The following TSPAN5 variants were observed in gnomAD, a reference collection of about 807,000 sequenced individuals.
The protein encoded by TSPAN5 is tetraspanin 5.
A neutral mutation model predicts 37.1 loss-of-function variants in TSPAN5; 10 were observed. That is an observed-to-expected ratio of 0.27 (90% confidence interval 0.17 to 0.46). The LOEUF (loss-of-function observed/expected upper bound fraction) is 0.46. TSPAN5 is among the 20% of genes least tolerant of loss of function. The pLI is 1.00. For synonymous variants in TSPAN5, 110 were observed against 118.9 expected, an observed-to-expected ratio of 0.93 and a Z score of 0.48; for missense variants, 195 against 326.6, an observed-to-expected ratio of 0.60 and a Z score of 3.11.
At chr4:98,635,918 G>A (rs1021877425) in intron 1 of TSPAN5, among the ~76,000 whole-genome samples, 1 of 152,196 alleles carries the variant, frequency 6.6e-6, no homozygotes, top group African/African-American at 2.4e-5. Flanking sequence ...CTAAATAATA[G>A]GGTAGGGATA....
At chr4:98,520,986 C>A (rs1308928626) in intron 1 of TSPAN5, among the ~76,000 whole-genome samples, 1 of 152,080 alleles carries the variant, frequency 6.6e-6, no homozygotes, top group East Asian at 1.9e-4. Context: ...GGCTGGAGTG[C>A]AGTGGCGCAA....
chr4:98,505,511 C>A (rs1175995760), intron 2 of TSPAN5, among the ~76,000 whole-genome samples: 2 of 152,208 alleles, frequency 1.3e-5, no homozygotes, highest in Admixed American at 1.3e-4. Context: ...TCATCCAGGT[C>A]TCTGCTCCCA....
intron 1 of TSPAN5, among the ~76,000 whole-genome samples, chr4:98,587,691 C>T (rs1755524250): frequency 6.6e-6 from 1 of 152,076 alleles, no homozygotes; most frequent in African/African-American, 2.4e-5. Context: ...AGATTGAGAC[C>T]ATCCTGACCA....
chr4:98,631,040 A>T (rs914969455), intron 1 of TSPAN5, among the ~76,000 whole-genome samples: 2 of 152,202 alleles, frequency 1.3e-5, no homozygotes, highest in Admixed American at 6.5e-5. Flanking sequence ...GGCAAAGAAC[A>T]CAAGATGCCA....
chr4:98,487,502 A>G (rs922220383), intron 2 of TSPAN5, among the ~76,000 whole-genome samples: 1 of 152,240 alleles, frequency 6.6e-6, no homozygotes, highest in African/African-American at 2.4e-5. Flanking sequence ...CTCAGGAAAT[A>G]GGATCGAGCT....
chr4:98,558,148 C>T (rs1049339351), intron 1 of TSPAN5, among the ~76,000 whole-genome samples: 7 of 150,168 alleles, frequency 4.7e-5, no homozygotes, highest in African/African-American at 1.5e-4. Context: ...ACTTGTTCCC[C>T]GGTGACGCAA....
chr4:98,602,737 G>A (rs1755910509), intron 1 of TSPAN5, among the ~76,000 whole-genome samples: 1 of 152,204 alleles, frequency 6.6e-6, no homozygotes, highest in African/African-American at 2.4e-5. Context: ...AAAGCAAGCT[G>A]ATTAAATAGA....
chr4:98,473,696 T>C (rs762055073), intron 7 of TSPAN5, among the ~76,000 whole-genome samples: 1 of 152,198 alleles, frequency 6.6e-6, no homozygotes, highest in Non-Finnish European at 1.5e-5. Context: ...CCTGACCTCA[T>C]GATCCACCCG....
intron 1 of TSPAN5, among the ~76,000 whole-genome samples, chr4:98,580,510 G>A (rs112580099): frequency 5.9e-5 from 9 of 152,306 alleles, no homozygotes; most frequent in African/African-American, 2.2e-4. Context: ...GGAGGTGGGT[G>A]ATAGTGGAAC....
Position 98,513,408 on chromosome 4 carries a change from T to C in TSPAN5, c.82-5680A>G, listed in dbSNP as rs541133154. ...TGAGGATCTGGGCCGCAGAAAAGATTAGAGTCTGAGTGCATCTACAGTGAT... is the reference window on the plus strand; with the variant it reads ...TGAGGATCTGGGCCGCAGAAAAGATCAGAGTCTGAGTGCATCTACAGTGAT... On this transcript the variant is annotated intron_variant, in intron 1 of 7. Coordinates refer to ENST00000305798, the MANE Select transcript of TSPAN5 (RefSeq NM_005723.4). Among the ~76,000 whole-genome samples, 3 of 152,236 alleles carry C rather than the reference T, an allele frequency of 2.0e-5. No homozygotes were observed. In the East Asian group the frequency reaches 5.8e-4, roughly 29 times the overall value.
chr4:98,643,644 T>C (rs1477366371), intron 1 of TSPAN5, among the ~76,000 whole-genome samples: 5 of 152,286 alleles, frequency 3.3e-5, no homozygotes, highest in Non-Finnish European at 5.9e-5. Context: ...TTTCAAATCT[T>C]CACTGGACAG....
chr4:98,561,240 G>C (rs936327794), intron 1 of TSPAN5, among the ~76,000 whole-genome samples: 1 of 152,208 alleles, frequency 6.6e-6, no homozygotes, highest in Non-Finnish European at 1.5e-5. Context: ...ACGTGGAAAG[G>C]GCCTGGGCCT....
At chr4:98,495,000 A>C (rs1172017640) in intron 2 of TSPAN5, among the ~76,000 whole-genome samples, 1 of 152,206 alleles carries the variant, frequency 6.6e-6, no homozygotes, top group African/African-American at 2.4e-5. Flanking sequence ...GTGGTGCAGC[A>C]GAGAAGAAAG....
intron 3 of TSPAN5, chr4:98,483,853 T>C (rs908047179): frequency 6.6e-6 from 1 of 152,228 alleles, no homozygotes; most frequent in Admixed American, 6.5e-5. Flanking sequence ...TCTAGAAAAA[T>C]GAACAGAAAA....
intron 1 of TSPAN5, among the ~76,000 whole-genome samples, chr4:98,607,161 T>G (rs1756057290): frequency 6.6e-6 from 1 of 152,162 alleles, no homozygotes; most frequent in Admixed American, 6.5e-5. Flanking sequence ...CCCTCCTCAT[T>G]TTCCCCGCTC....
rs6840882 is a variant in TSPAN5, at chr4:98,633,951, C to T, written c.81+24195G>A. On this transcript the variant is annotated intron_variant, in intron 1 of 7. Transcript: ENST00000305798. ...AAAATTAGCCAGGCGTGGTGGCACACGCCTGTAATCCCAGCTACTCAGGAA... is the reference window on the plus strand; with the variant it reads ...AAAATTAGCCAGGCGTGGTGGCACATGCCTGTAATCCCAGCTACTCAGGAA... 9.3e-3 allele frequency among the ~76,000 whole-genome samples: 1,411 copies of T among 151,978 alleles called. 30 individuals carry two copies. The highest frequency in any genetic ancestry group is 0.032 in the African/African-American group (1,326 of 41,432).
At chr4:98,585,618 C>T (rs1755470483) in intron 1 of TSPAN5, among the ~76,000 whole-genome samples, 1 of 152,152 alleles carries the variant, frequency 6.6e-6, no homozygotes, top group Non-Finnish European at 1.5e-5. Context: ...CCTATTATTC[C>T]ACTCTCTATG....
intron 1 of TSPAN5, among the ~76,000 whole-genome samples, chr4:98,529,519 G>C (rs10002696): frequency 0.78 from 118,508 of 152,190 alleles, 46,939 homozygotes; most frequent in African/African-American, 0.93. Context: ...TAAAGTTTCA[G>C]GACAACCACT....
chr4:98,648,886 C>T (rs1757123587), intron 1 of TSPAN5, among the ~76,000 whole-genome samples: 1 of 152,154 alleles, frequency 6.6e-6, no homozygotes, highest in Non-Finnish European at 1.5e-5. Flanking sequence ...AATTCCAGGA[C>T]CCCATCCTGG....
Sources: allele counts gnomAD v4.1 joint callset (sites outside exome capture counted in the v4.1 genomes callset), GRCh38; gene constraint gnomAD v4.1.1; transcripts MANE v1.5; gene names NCBI Gene and HGNC (gene_info 2026-07-23, HGNC 2026-07-21).